Variants in RPS6KC1 observed in about 807,000 individuals in gnomAD.
The protein encoded by RPS6KC1 is ribosomal protein S6 kinase C1.
A neutral mutation model predicts 103.8 loss-of-function variants in RPS6KC1; 54 were observed. That is an observed-to-expected ratio of 0.52 (90% CI 0.42 to 0.65). The LOEUF is 0.65. Ranked by LOEUF, RPS6KC1 falls within the 30% of genes least tolerant of loss-of-function variation. RPS6KC1 has a pLI of 0.00. For missense variants in RPS6KC1, 1,151 were observed against 1,253.8 expected (o/e 0.92, Z 1.24); for synonymous variants, 439 against 438.7 (o/e 1.00, Z -0.01).
the RPS6KC1 span, among the ~76,000 whole-genome samples, chr1:213,768,969 G>A: frequency 5.9e-5 from 9 of 152,250 alleles, no homozygotes; most frequent in South Asian, 8.3e-4. Context: ...GATAAGCCCC[G>A]TTCACCAGCA....
chr1:213,112,721 C>A (rs1464897264), intron 4 of RPS6KC1, among the ~76,000 whole-genome samples: 6 of 151,952 alleles, frequency 3.9e-5, no homozygotes, highest in South Asian at 4.2e-4. Flanking sequence ...CCTCTCCCCC[C>A]ACCCCACAAC....
At chr1:213,825,651 G>A in the RPS6KC1 span, among the ~76,000 whole-genome samples, 1 of 151,372 alleles carries the variant, frequency 6.6e-6, no homozygotes, top group African/African-American at 2.4e-5. Context: ...GGAAGTTGGT[G>A]AACCCCTTGC....
the RPS6KC1 span, among the ~76,000 whole-genome samples, chr1:213,649,682 CGTT>C: frequency 1.3e-5 from 2 of 152,240 alleles, no homozygotes; most frequent in African/African-American, 2.4e-5. Flanking sequence ...TTACTTTCCA[CGTT>C]GTTGTGCTTT....
the RPS6KC1 span, among the ~76,000 whole-genome samples, chr1:213,805,308 T>C: frequency 6.6e-6 from 1 of 152,222 alleles, no homozygotes; most frequent in Non-Finnish European, 1.5e-5. Context: ...TACTGTTTGA[T>C]GACATATTAA....
chr1:213,380,031 T>C, the RPS6KC1 span, among the ~76,000 whole-genome samples: 1 of 152,208 alleles, frequency 6.6e-6, no homozygotes, highest in East Asian at 1.9e-4. Flanking sequence ...ATGTGTATGT[T>C]TATTGCAACA....
In RPS6KC1 at chr1:213,207,805, C is replaced by T. The variant is rs763092278; in HGVS notation, c.1045-22692C>T. On this transcript the variant is annotated intron_variant, in intron 8 of 14. Transcript: ENST00000366960. ...TCTCCTGCCTCAGGCTCCCAAGTAGCTGGGATTACAGGTGTCCACCTCCAT... is the reference window on the plus strand; with the variant it reads ...TCTCCTGCCTCAGGCTCCCAAGTAGTTGGGATTACAGGTGTCCACCTCCAT... Among the ~76,000 whole-genome samples the T allele has an allele frequency of 5.9e-5, 9 of 152,212 alleles. No individual in the cohort carries two copies. In the East Asian group the frequency reaches 1.7e-3, roughly 29 times the overall value.
At chr1:213,598,237 C>A in the RPS6KC1 span, among the ~76,000 whole-genome samples, 3 of 152,204 alleles carry the variant, frequency 2.0e-5, no homozygotes, top group African/African-American at 7.2e-5. Flanking sequence ...GAAGAAGTCA[C>A]ACTCTCCAAC....
chr1:213,782,633 G>A, the RPS6KC1 span, among the ~76,000 whole-genome samples: 1 of 152,130 alleles, frequency 6.6e-6, no homozygotes, highest in African/African-American at 2.4e-5. Context: ...GAAGAATGAG[G>A]AAGAGGAGGA....
the RPS6KC1 span, among the ~76,000 whole-genome samples, chr1:213,758,061 C>A: frequency 1.3e-5 from 2 of 152,178 alleles, no homozygotes; most frequent in African/African-American, 4.8e-5. Flanking sequence ...CCCAAGAACT[C>A]TGATGGAGAT....
chr1:213,158,968 G>T (rs988053261), intron 6 of RPS6KC1, among the ~76,000 whole-genome samples: 1 of 152,136 alleles, frequency 6.6e-6, no homozygotes. Flanking sequence ...TATAATAGTA[G>T]TAGTAATAAT....
the RPS6KC1 span, among the ~76,000 whole-genome samples, chr1:213,557,397 CT>C: frequency 7.9e-5 from 12 of 152,108 alleles, no homozygotes; most frequent in African/African-American, 2.9e-4. Flanking sequence ...ATATTGGGAG[CT>C]TGGGTGTGTG....
At chr1:213,752,987 C>T in the RPS6KC1 span, among the ~76,000 whole-genome samples, 9 of 152,166 alleles carry the variant, frequency 5.9e-5, no homozygotes, top group East Asian at 3.9e-4. Flanking sequence ...AAGCCTGCAT[C>T]GTCAGTTTCC....
At chr1:213,613,662 A>G in the RPS6KC1 span, among the ~76,000 whole-genome samples, 1 of 152,170 alleles carries the variant, frequency 6.6e-6, no homozygotes, top group Non-Finnish European at 1.5e-5. Context: ...TCTACTTGCA[A>G]ACAAAGGCTT....
At chr1:213,066,038 A>G (rs533786279) in intron 1 of RPS6KC1, among the ~76,000 whole-genome samples, 2 of 152,308 alleles carry the variant, frequency 1.3e-5, no homozygotes, top group Admixed American at 1.3e-4. Flanking sequence ...ACTCCTGCCT[A>G]ACTCATAGGT....
the RPS6KC1 span, among the ~76,000 whole-genome samples, chr1:213,456,426 G>A: frequency 3.9e-5 from 6 of 152,078 alleles, no homozygotes; most frequent in Admixed American, 2.6e-4. Flanking sequence ...TACCTGTTTG[G>A]CAACTGGATG....
At chr1:213,808,359 T>C in the RPS6KC1 span, among the ~76,000 whole-genome samples, 1 of 152,322 alleles carries the variant, frequency 6.6e-6, no homozygotes, top group African/African-American at 2.4e-5. Flanking sequence ...TGTCTTTTTG[T>C]TTGTCTGTGC....
At chr1:213,563,972 C>CTT in the RPS6KC1 span, among the ~76,000 whole-genome samples, 382 of 134,330 alleles carry the variant, frequency 2.8e-3, no homozygotes, top group African/African-American at 7.3e-3. Flanking sequence ...TTGCTTACCT[C>CTT]TTTTTTTTTT....
At chr1:213,204,599 CA>C (rs1330456429) in intron 8 of RPS6KC1, among the ~76,000 whole-genome samples, 11 of 146,110 alleles carry the variant, frequency 7.5e-5, no homozygotes, top group Non-Finnish European at 1.7e-4. Context: ...TGCCATTAAA[CA>C]ATTTCTAATT....
chr1:213,200,718 C>G (rs560012257), intron 8 of RPS6KC1, among the ~76,000 whole-genome samples: 2 of 152,244 alleles, frequency 1.3e-5, no homozygotes, highest in Non-Finnish European at 2.9e-5. Context: ...ATTTTGGAAA[C>G]TATGCATCCA....
Sources: allele counts gnomAD v4.1 joint callset (sites outside exome capture counted in the v4.1 genomes callset), GRCh38; gene constraint gnomAD v4.1.1; transcripts MANE v1.5; gene names NCBI Gene and HGNC (gene_info 2026-07-23, HGNC 2026-07-21).